PDZRN4: variants seen among roughly 807,000 people sequenced by gnomAD.
PDZRN4 encodes the protein PDZ domain-containing RING finger protein 4.
In PDZRN4, 70 loss-of-function variants were observed where a neutral mutation model predicts 99.0. The ratio of observed to expected loss-of-function variants is 0.71; its 90% CI spans 0.58 to 0.86. The LOEUF (loss-of-function observed/expected upper bound fraction) is 0.86, where lower values mean the gene tolerates loss of function less well. Among genes scored for constraint, PDZRN4 ranks in the 40% least tolerant of loss-of-function variants. The pLI is 0.00. For synonymous variants in PDZRN4, 551 were observed against 501.6 expected (o/e 1.10, Z -1.32); for missense variants, 1,474 against 1,331.2 (o/e 1.11, Z -1.67).
At chr12:41,254,631 G>T (rs1348626261) in intron 3 of PDZRN4, among the ~76,000 whole-genome samples, 1 of 152,210 alleles carries the variant, frequency 6.6e-6, no homozygotes, top group Admixed American at 6.5e-5. Context: ...GCTGAGTATG[G>T]GAGACAAGAC....
intron 3 of PDZRN4, among the ~76,000 whole-genome samples, chr12:41,420,891 A>C (rs1341871781): frequency 6.6e-6 from 1 of 152,168 alleles, no homozygotes. Context: ...TGTTCTGAGA[A>C]GCACCTCAAT....
At chr12:41,454,026 T>C (rs75998367) in intron 3 of PDZRN4, among the ~76,000 whole-genome samples, 2,852 of 123,584 alleles carry the variant, frequency 0.023, 76 homozygotes, top group African/African-American at 0.088. Flanking sequence ...TTAAATCAGA[T>C]GCCTTCGTGT....
Position 41,440,979 on chromosome 12 carries a change from G to A in PDZRN4, c.844-65477G>A, listed in dbSNP as rs1393127085. On this transcript the variant is annotated intron_variant, in intron 3 of 9. Transcript: ENST00000402685. ...GTTAGGTATTTCTGACCTAATAACA[G>A]ATTTATTTCTGAGTAAGATTATATA... 2.0e-5 allele frequency among the ~76,000 whole-genome samples: 3 copies of A among 152,120 alleles called. No homozygotes were observed. The East Asian group carries it at 5.8e-4, about 29-fold the overall frequency.
rs373865076 is a variant in PDZRN4 at position 41,362,382 on chromosome 12, T to G, written c.844-144074T>G. On this transcript the variant is annotated intron_variant, in intron 3 of 9. Coordinates refer to ENST00000402685, the MANE Select transcript of PDZRN4 (RefSeq NM_001164595.2). The stretch of plus-strand genomic sequence containing the variant: ...TTCAAAGACTGAAGCTGGCTTCTGA[T>G]TAAAAATAATAATTTTTAAAAAACT... 5.9e-5 allele frequency among the ~76,000 whole-genome samples: 9 copies of G among 152,070 alleles called. No homozygotes were observed. The East Asian group carries it at 9.7e-4, about 16-fold the overall frequency.
chr12:41,311,996 T>C (rs371820415), intron 3 of PDZRN4, among the ~76,000 whole-genome samples: 1 of 152,206 alleles, frequency 6.6e-6, no homozygotes, highest in Non-Finnish European at 1.5e-5. Context: ...GTACTTTTTA[T>C]AGCTACCAGG....
At chr12:41,427,652 A>C (rs994960374) in intron 3 of PDZRN4, among the ~76,000 whole-genome samples, 1 of 152,222 alleles carries the variant, frequency 6.6e-6, no homozygotes, top group Admixed American at 6.5e-5. Flanking sequence ...AATGGATATT[A>C]ACATGTCGAT....
chr12:41,573,185 T>C lies in PDZRN4; in HGVS notation c.2406T>C (p.Cys802=). ...STKAKTTEQG[C]SAESKEKVLE... is the part of the protein sequence containing the mutation. ...AAGCCAAAACCACTGAGCAAGGTTGTAGCGCTGAAAGCAAGGAGAAGGTTT... is the reference window on the plus strand; with the variant it reads ...AAGCCAAAACCACTGAGCAAGGTTGCAGCGCTGAAAGCAAGGAGAAGGTTT... Residue 802 remains cysteine (C), a synonymous_variant, in exon 10 of 10, where the codon TGT becomes TGC. Coordinates refer to ENST00000402685, the MANE Select transcript of PDZRN4 (RefSeq NM_001164595.2). 6 of 1,614,122 alleles carry C rather than the reference T, an allele frequency of 3.7e-6. No individual in the cohort carries two copies. Among genetic ancestry groups the C allele is most frequent in the Non-Finnish European group, 5.1e-6 (6 of 1,180,002 alleles).
chr12:41,491,374 T>C (rs1332855058), intron 3 of PDZRN4, among the ~76,000 whole-genome samples: 1 of 151,902 alleles, frequency 6.6e-6, no homozygotes, highest in African/African-American at 2.4e-5. Context: ...TACAAAAAAT[T>C]GGACTGGTGT....
chr12:41,288,573 G>A (rs1325239338), intron 3 of PDZRN4, among the ~76,000 whole-genome samples: 1 of 151,046 alleles, frequency 6.6e-6, no homozygotes, highest in Admixed American at 6.6e-5. Context: ...AAGTCGTTCT[G>A]TAATACTGTG....
Position 41,573,272 on chromosome 12 carries a change from T to G in PDZRN4, c.2493T>G (p.Ser831=). ...KAVSEHIPYL[S]PYHSSSYRYA... The stretch of plus-strand genomic sequence containing the variant: ...TCAGCGAACACATCCCTTACCTCTC[T>G]CCTTACCACAGCTCCTCATATAGAT... The change falls in exon 10 of 10, where the codon TCT becomes TCG. Residue 831 remains serine (S), a synonymous_variant. Transcript: ENST00000402685. 4.3e-6 allele frequency: 7 copies of G among 1,613,774 alleles called. No homozygotes were observed. Among genetic ancestry groups the G allele is most frequent in the Non-Finnish European group, 5.1e-6 (6 of 1,180,006 alleles).
intron 3 of PDZRN4, among the ~76,000 whole-genome samples, chr12:41,463,592 G>A (rs1022908446): frequency 2.0e-5 from 3 of 151,936 alleles, no homozygotes; most frequent in African/African-American, 7.3e-5. Flanking sequence ...AGGGCACAGT[G>A]CACAGTGTTT....
chr12:41,487,084 A>T (rs183162537), intron 3 of PDZRN4, among the ~76,000 whole-genome samples: 2 of 152,210 alleles, frequency 1.3e-5, no homozygotes, highest in African/African-American at 4.8e-5. Flanking sequence ...ATAGCAGTTG[A>T]CACATAATCA....
intron 3 of PDZRN4, among the ~76,000 whole-genome samples, chr12:41,448,379 T>C (rs1045114347): frequency 1.3e-5 from 2 of 152,180 alleles, no homozygotes; most frequent in African/African-American, 4.8e-5. Flanking sequence ...TAATACCTTA[T>C]GGCTCAATCC....
At chr12:41,374,768 T>TA (rs1952067512) in intron 3 of PDZRN4, among the ~76,000 whole-genome samples, 1 of 152,122 alleles carries the variant, frequency 6.6e-6, no homozygotes, top group Non-Finnish European at 1.5e-5. Flanking sequence ...AAGGACATTG[T>TA]AGTGGTTCTT....
At chr12:41,196,098 T>TTTTTTTTTTAAATTTTTTTAA (rs1950770348) in intron 3 of PDZRN4, among the ~76,000 whole-genome samples, 1 of 152,142 alleles carries the variant, frequency 6.6e-6, no homozygotes, top group South Asian at 2.1e-4. Context: ...GTTACAAACC[T>TTTTTTTTTTAAATTTTTTTAA]ACTGTTTTTT....
At chr12:41,460,817 A>T (rs79289936) in intron 3 of PDZRN4, among the ~76,000 whole-genome samples, 1 of 152,202 alleles carries the variant, frequency 6.6e-6, no homozygotes, top group African/African-American at 2.4e-5. Context: ...TAAAATGCAC[A>T]TATAACTCTA....
At chr12:41,434,222 GT>G (rs535652782) in intron 3 of PDZRN4, among the ~76,000 whole-genome samples, 224 of 152,252 alleles carry the variant, frequency 1.5e-3, no homozygotes, top group African/African-American at 5.0e-3. Context: ...TCTATGTAGT[GT>G]TGCTCACAGT....
intron 3 of PDZRN4, among the ~76,000 whole-genome samples, chr12:41,416,310 A>G (rs1161836774): frequency 1.3e-5 from 2 of 152,090 alleles, no homozygotes; most frequent in South Asian, 2.1e-4. Flanking sequence ...CTTTCTGAAA[A>G]CAAAAAAATG....
At chr12:41,205,062 A>G (rs1162873143) in intron 3 of PDZRN4, among the ~76,000 whole-genome samples, 1 of 151,920 alleles carries the variant, frequency 6.6e-6, no homozygotes, top group Non-Finnish European at 1.5e-5. Flanking sequence ...ATAAAAATGA[A>G]TTACTAGAAG....
Sources: allele counts gnomAD v4.1 joint callset (sites outside exome capture counted in the v4.1 genomes callset), GRCh38; gene constraint gnomAD v4.1.1; transcripts MANE v1.5; gene names NCBI Gene and HGNC (gene_info 2026-07-23, HGNC 2026-07-21).